The following PARP11 variants were observed in gnomAD, a reference collection of about 807,000 sequenced individuals.
PARP11 encodes protein mono-ADP-ribosyltransferase PARP11.
PARP11 carries 31 observed loss-of-function variants against 42.9 expected under a neutral mutation model. That is an observed-to-expected ratio of 0.72 (90% CI 0.54 to 0.98). The LOEUF (loss-of-function observed/expected upper bound fraction) is 0.98. Ranked by LOEUF, PARP11 falls within the 50% of genes least tolerant of loss-of-function variation. The pLI, the probability that PARP11 is intolerant of heterozygous loss-of-function variation, is 0.00. For synonymous variants in PARP11, 137 were observed against 127.3 expected, an observed-to-expected ratio of 1.08 and a Z score of -0.51; for missense variants, 365 against 413.1, an observed-to-expected ratio of 0.88 and a Z score of 1.01.
intron 1 of PARP11, among the ~76,000 whole-genome samples, chr12:3,830,438 T>C (rs770783605): frequency 2.6e-5 from 4 of 152,202 alleles, no homozygotes; most frequent in Non-Finnish European, 5.9e-5. Context: ...TTTAATGGCA[T>C]AGAAAGATAT....
intron 1 of PARP11, among the ~76,000 whole-genome samples, chr12:3,869,119 A>G (rs1197158214): frequency 6.6e-6 from 1 of 151,982 alleles, no homozygotes; most frequent in African/African-American, 2.4e-5. Context: ...TTTTGTCCCC[A>G]TGTTCTACTT....
intron 1 of PARP11, among the ~76,000 whole-genome samples, chr12:3,836,298 G>C (rs923435452): frequency 1.3e-5 from 2 of 151,528 alleles, no homozygotes; most frequent in Non-Finnish European, 2.9e-5. Flanking sequence ...CAAAAGTTAG[G>C]AGACATCATT....
chr12:3,822,384 G>A (rs529973300), intron 4 of PARP11, among the ~76,000 whole-genome samples: 3 of 150,354 alleles, frequency 2.0e-5, no homozygotes, highest in Non-Finnish European at 2.9e-5. Context: ...GGATCACGAG[G>A]TCAGGAGATC....
intron 6 of PARP11, among the ~76,000 whole-genome samples, chr12:3,816,328 T>C (rs1354106951): frequency 6.6e-6 from 1 of 152,224 alleles, no homozygotes; most frequent in Admixed American, 6.5e-5. Flanking sequence ...ACAAGTGTGA[T>C]AAGCAAGCCC....
intron 1 of PARP11, among the ~76,000 whole-genome samples, chr12:3,867,136 A>T (rs1358450134): frequency 1.3e-5 from 2 of 152,256 alleles, no homozygotes; most frequent in Non-Finnish European, 2.9e-5. Context: ...ACACATTCAA[A>T]ATTGACAGAG....
At position 3,840,513 on chromosome 12, in the gene PARP11, C is replaced by T. The variant is rs901665118; in HGVS notation, c.19-10495G>A. 1 of 1,612,212 alleles carries T rather than the reference C, an allele frequency of 6.2e-7. No homozygotes were observed. Among genetic ancestry groups the T allele is most frequent in the Non-Finnish European group, 8.5e-7 (1 of 1,178,240 alleles). The stretch of plus-strand genomic sequence containing the variant: ...CAGGGTCACAGTCTCAGAAATTCTC[C>T]AGTGAGCACAAAAATCTTAGCCGGA... On this transcript the variant is annotated intron_variant, in intron 1 of 7. Transcript: ENST00000228820. The surrounding 1 kb of genome is among the most constrained non-coding windows in gnomAD (Gnocchi z 4.4).
intron 1 of PARP11, chr12:3,839,579 G>A: frequency 7.2e-7 from 1 of 1,385,168 alleles, no homozygotes; most frequent in Non-Finnish European, 1.0e-6. Flanking sequence ...TATTTAAAGC[G>A]CTTGGAAAAT....
intron 4 of PARP11, 94 bp downstream of exon 4, chr12:3,826,064 T>C (rs1947514701): frequency 2.7e-6 from 2 of 733,128 alleles, no homozygotes; most frequent in African/African-American, 1.8e-5. Flanking sequence ...TATTATTAAA[T>C]GACCTACCAA....
intron 4 of PARP11, chr12:3,824,627 T>C: frequency 1.0e-6 from 1 of 984,516 alleles, no homozygotes; most frequent in Non-Finnish European, 1.2e-6. Context: ...TTGTCCTCCA[T>C]TCTGCTTAGT....
intron 4 of PARP11, among the ~76,000 whole-genome samples, chr12:3,825,858 C>G (rs1947508625): frequency 6.6e-6 from 1 of 152,076 alleles, no homozygotes; most frequent in South Asian, 2.1e-4. Flanking sequence ...TCCCGAGTAG[C>G]TGGGACCACA....
chr12:3,834,262 A>C (rs1947709206), intron 1 of PARP11, among the ~76,000 whole-genome samples: 1 of 152,236 alleles, frequency 6.6e-6, no homozygotes, highest in Admixed American at 6.5e-5. Flanking sequence ...CCATAAGGAC[A>C]AAGAGCTCTA....
At chr12:3,865,336 G>A (rs892204503) in intron 1 of PARP11, among the ~76,000 whole-genome samples, 1 of 152,120 alleles carries the variant, frequency 6.6e-6, no homozygotes, top group Non-Finnish European at 1.5e-5. Context: ...TTCAGCTGTT[G>A]ATGGGTGAAT....
chr12:3,826,384 T>C, intron 3 of PARP11, 151 bp from the exon 4 acceptor site: 2 of 510,330 alleles, frequency 3.9e-6, no homozygotes, highest in Non-Finnish European at 6.9e-6. Context: ...TACTTTACCA[T>C]GCAGCTAGCT....
At chr12:3,845,674 T>G (rs1044756340) in intron 1 of PARP11, among the ~76,000 whole-genome samples, 3 of 152,240 alleles carry the variant, frequency 2.0e-5, no homozygotes, top group Non-Finnish European at 4.4e-5. Context: ...TGTGTTTTGC[T>G]TCCTACTTTA....
In PARP11 at chr12:3,840,546, A is replaced by G; in HGVS notation, c.19-10528T>C. 1.3e-6 allele frequency: 2 copies of G among 1,598,628 alleles called. No homozygotes were observed. Among genetic ancestry groups the G allele is most frequent in the Non-Finnish European group, 1.7e-6 (2 of 1,165,830 alleles). ...ACAAAAATCTTAGCCGGACACCTTC[A>G]CAGATCATAAGAAAACCTGATCGTG... On this transcript the variant is annotated intron_variant, in intron 1 of 7. Coordinates refer to ENST00000228820, the MANE Select transcript of PARP11 (RefSeq NM_020367.6). This position sits in a 1 kb window ranked among gnomAD's most constrained non-coding sequence, Gnocchi z 4.4.
chr12:3,860,570 G>A (rs569015499), intron 1 of PARP11, among the ~76,000 whole-genome samples: 1 of 152,282 alleles, frequency 6.6e-6, no homozygotes, highest in South Asian at 2.1e-4. Context: ...CATGGAACTT[G>A]CTCGGGACCT....
intron 1 of PARP11, 64 bp from the exon 2 acceptor site, chr12:3,830,082 G>A: frequency 1.4e-6 from 2 of 1,470,762 alleles, no homozygotes; most frequent in Non-Finnish European, 1.9e-6. Flanking sequence ...ACTTTTTACA[G>A]ATCATTTTAC....
chr12:3,826,252 TATTAG>T lies in PARP11; in HGVS notation c.269-24_269-20del. The T allele has an allele frequency of 6.5e-7, 1 of 1,543,572 alleles. No homozygotes were observed. The highest frequency in any genetic ancestry group is 2.3e-5 in the East Asian group (1 of 44,322). ...TTCATTTCTGTATACAAAGACAAGA[TATTAG>T]ATAAGTCATAAAAGTACACTGTACT... On this transcript the variant is annotated intron_variant, in intron 3 of 7. Coordinates refer to ENST00000228820, the MANE Select transcript of PARP11 (RefSeq NM_020367.6).
intron 6 of PARP11, among the ~76,000 whole-genome samples, chr12:3,815,577 T>C (rs1947270565): frequency 6.6e-6 from 1 of 152,210 alleles, no homozygotes. Flanking sequence ...GGATACTTTC[T>C]AGTTTATAAA....
Sources: gnomAD v4.1 joint callset for allele counts (sites outside exome capture counted in the v4.1 genomes callset) on GRCh38, gnomAD v4.1.1 for gene constraint, Gnocchi (gnomAD v3.1) non-coding constraint, MANE v1.5 for transcripts, NCBI Gene and HGNC (gene_info 2026-07-23, HGNC 2026-07-21) for gene names.